DAB1: variants seen among roughly 807,000 people sequenced by gnomAD.
DAB1 encodes DAB adaptor protein 1, also known as disabled homolog 1.
Under a neutral mutation model 64.6 loss-of-function variants are expected in DAB1, and 15 were observed. That is an observed-to-expected ratio of 0.23 (90% CI 0.16 to 0.36). The LOEUF is 0.36. Ranked by LOEUF, DAB1 falls within the 10% of genes least tolerant of loss-of-function variation. The pLI is 1.00. For synonymous variants in DAB1, 235 were observed against 251.9 expected (o/e 0.93, Z 0.64); for missense variants, 596 against 706.7 (o/e 0.84, Z 1.78).
chr1:57,585,936 A>T (rs915861782), intron 7 of DAB1, among the ~76,000 whole-genome samples: 3 of 152,198 alleles, frequency 2.0e-5, no homozygotes, highest in African/African-American at 7.2e-5. Flanking sequence ...GCCTTGAGCA[A>T]GTTACTTGGG....
chr1:57,428,290 T>C (rs963919674), upstream of DAB1, among the ~76,000 whole-genome samples: 2 of 152,224 alleles, frequency 1.3e-5, no homozygotes, highest in Admixed American at 1.3e-4. Flanking sequence ...TGAAGGTTTT[T>C]ACCCTTTAAC....
At chr1:57,242,812 A>T (rs930503601) in intron 2 of DAB1, among the ~76,000 whole-genome samples, 1 of 152,072 alleles carries the variant, frequency 6.6e-6, no homozygotes, top group African/African-American at 2.4e-5. Context: ...AAGAGCCAAA[A>T]CCCTTTCTCG....
In DAB1 at chr1:57,795,684, C is replaced by T. The variant is rs561464227; in HGVS notation, n.551+88315G>A. Among the ~76,000 whole-genome samples the T allele has an allele frequency of 8.3e-5, 6 of 71,930 alleles. No homozygotes were observed. The South Asian group carries it at 1.5e-3, about 18-fold the overall frequency. 47.2% of individuals were successfully genotyped at this position (71,930 alleles called of 152,430 possible). On this transcript the variant is annotated intron_variant and non_coding_transcript_variant, in intron 6 of 20. Coordinates refer to the DAB1 transcript ENST00000485760. ...AAAATATAACCATCCATGAATTATG[C>T]TTGGAGATATATATATATATATATA...
At chr1:57,624,808 T>A (rs1226237813) in intron 7 of DAB1, among the ~76,000 whole-genome samples, 1 of 152,228 alleles carries the variant, frequency 6.6e-6, no homozygotes, top group African/African-American at 2.4e-5. Context: ...TTCCTACATA[T>A]GCTGGCAGAC....
At chr1:57,481,593 G>C (rs992678698) in intron 7 of DAB1, among the ~76,000 whole-genome samples, 3 of 152,132 alleles carry the variant, frequency 2.0e-5, no homozygotes, top group African/African-American at 7.2e-5. Context: ...AAGGTGGGCA[G>C]ATCACCTGAG....
At chr1:58,406,924 T>C (rs1644621705) in intron 3 of DAB1, among the ~76,000 whole-genome samples, 1 of 151,946 alleles carries the variant, frequency 6.6e-6, no homozygotes. Context: ...AAATAGTACC[T>C]ACCCGACATG....
rs140596572 is a variant in DAB1 at position 58,172,979 on chromosome 1, G to C, written n.310-22391C>G. 9.1e-4 allele frequency among the ~76,000 whole-genome samples: 138 copies of C among 152,358 alleles called. 1 individual carries two copies. In the East Asian group the frequency reaches 0.025, roughly 27 times the overall value. On this transcript the variant is annotated intron_variant and non_coding_transcript_variant, in intron 4 of 20. Coordinates refer to the DAB1 transcript ENST00000485760. ...GGAAATTATGGAGTTATTGCACTCA[G>C]TGCAAAAACCCAAGGAGGTGGCAGT... is the stretch of plus-strand genomic sequence containing the variant.
chr1:57,997,981 T>C (rs12087429), intron 5 of DAB1, among the ~76,000 whole-genome samples: 2,992 of 152,010 alleles, frequency 0.02, 67 homozygotes, highest in African/African-American at 0.049. Context: ...AGAAACAAAA[T>C]AGTATCTTTA....
At chr1:57,317,324 C>A (rs1025193990) in intron 1 of DAB1, among the ~76,000 whole-genome samples, 3 of 152,292 alleles carry the variant, frequency 2.0e-5, no homozygotes, top group African/African-American at 4.8e-5. Flanking sequence ...AGGTTCTGAG[C>A]AAGGGGACCC....
chr1:58,159,549 T>A (rs77042317), intron 4 of DAB1, among the ~76,000 whole-genome samples: 1 of 152,168 alleles, frequency 6.6e-6, no homozygotes, highest in Non-Finnish European at 1.5e-5. Context: ...TGCATGCATA[T>A]GTAAAATCTC....
At chr1:57,125,860 C>T (rs1657087388) in intron 4 of DAB1, among the ~76,000 whole-genome samples, 1 of 152,090 alleles carries the variant, frequency 6.6e-6, no homozygotes, top group African/African-American at 2.4e-5. Context: ...AGTTCAGATG[C>T]CACCCACAGC....
chr1:58,355,453 A>T (rs1644101022), intron 3 of DAB1, among the ~76,000 whole-genome samples: 1 of 152,138 alleles, frequency 6.6e-6, no homozygotes. Context: ...TTTCCCCATC[A>T]CTATTTTCTC....
At chr1:58,412,635 G>A (rs1269169185) in intron 3 of DAB1, among the ~76,000 whole-genome samples, 1 of 152,208 alleles carries the variant, frequency 6.6e-6, no homozygotes, top group Admixed American at 6.5e-5. Context: ...TCTAGCATCT[G>A]AAAGGGAAAC....
At chr1:57,145,502 A>G (rs1659034200) in intron 2 of DAB1, 73 bp from the exon 3 acceptor site, 1 of 1,504,668 alleles carries the variant, frequency 6.6e-7, no homozygotes, top group South Asian at 1.2e-5. Flanking sequence ...CACAATTCCA[A>G]GATCCGCTGT....
rs556524580 is a variant in DAB1 at position 58,412,925 on chromosome 1, T to C, written n.258-69522A>G. ...CTGGAATAAGAGAATGAATGTTACA[T>C]GCTTTGTAAAATGAAGAGAGACCTA... On this transcript the variant is annotated intron_variant and non_coding_transcript_variant, in intron 3 of 20. Coordinates refer to the DAB1 transcript ENST00000485760. 1.7e-3 allele frequency among the ~76,000 whole-genome samples: 266 copies of C among 152,360 alleles called. 1 individual carries two copies. The highest frequency in any genetic ancestry group is 6.2e-3 in the African/African-American group (257 of 41,580).
At chr1:57,890,456 C>CTTTTTTTTTTT (rs71246207) in intron 5 of DAB1, among the ~76,000 whole-genome samples, 25 of 136,606 alleles carry the variant, frequency 1.8e-4, no homozygotes, top group Non-Finnish European at 2.3e-4. Context: ...CTTTTCTTTT[C>CTTTTTTTTTTT]TTTTTTTTTT....
chr1:57,394,820 A>G (rs1682671910), intron 1 of DAB1, among the ~76,000 whole-genome samples: 2 of 152,130 alleles, frequency 1.3e-5, no homozygotes, highest in South Asian at 4.1e-4. Flanking sequence ...AGCTGCCCAA[A>G]CTTATTTGAC....
At chr1:57,291,449 T>A (rs927973367) in intron 1 of DAB1, among the ~76,000 whole-genome samples, 5 of 152,160 alleles carry the variant, frequency 3.3e-5, no homozygotes, top group Non-Finnish European at 7.4e-5. Flanking sequence ...TTTCTTATTT[T>A]CAAGCACTAG....
At chr1:57,718,613 T>C (rs1327762446) in intron 6 of DAB1, among the ~76,000 whole-genome samples, 1 of 152,210 alleles carries the variant, frequency 6.6e-6, no homozygotes, top group Admixed American at 6.5e-5. Flanking sequence ...TTGATTATCT[T>C]GTATCTAAAA....
Sources: gnomAD v4.1 joint callset for allele counts (sites outside exome capture counted in the v4.1 genomes callset) on GRCh38, gnomAD v4.1.1 for gene constraint, MANE v1.5 for transcripts, NCBI Gene and HGNC (gene_info 2026-07-23, HGNC 2026-07-21) for gene names.